Variants in ADAM33 observed in about 807,000 individuals in gnomAD.
ADAM33 encodes disintegrin and metalloproteinase domain-containing protein 33.
A neutral mutation model predicts 106.2 loss-of-function variants in ADAM33; 103 were observed. That is an observed-to-expected ratio of 0.97 (90% CI 0.83 to 1.14). The LOEUF is 1.14. ADAM33 is among the 50% of genes most tolerant of loss of function. ADAM33 has a pLI of 0.00. For synonymous variants in ADAM33, 483 were observed against 453.0 expected, an observed-to-expected ratio of 1.07 and a Z score of -0.84; for missense variants, 1,120 against 1,096.6, an observed-to-expected ratio of 1.02 and a Z score of -0.30.
At chr20:3,673,117 T>C (rs1349727610) in intron 11 of ADAM33, 1 of 1,458,022 alleles carries the variant, frequency 6.9e-7, no homozygotes, top group Non-Finnish European at 9.0e-7. Flanking sequence ...CCGACGGTGC[T>C]CCTCCCGGTG....
intron 1 of ADAM33, among the ~76,000 whole-genome samples, chr20:3,679,890 G>C (rs1031969114): frequency 5.9e-5 from 9 of 152,224 alleles, no homozygotes; most frequent in African/African-American, 2.2e-4. Context: ...AAGGCCGCCA[G>C]TGCAGAGGGG....
Position 3,673,744 on chromosome 20 carries a change from C to A in ADAM33, c.905+1G>T. 6.7e-7 allele frequency: 1 copy of A among 1,498,790 alleles called. No individual in the cohort carries two copies. The highest frequency in any genetic ancestry group is 1.3e-5 in the South Asian group (1 of 79,700). The allele number at this position is 1,498,790 out of a possible 1,614,324, so 92.8% of individuals were successfully genotyped here. A position where few individuals can be genotyped will look rare whatever the true frequency, so the allele number is the denominator to read the frequency against. On this transcript the variant is annotated splice_donor_variant, in intron 9 of 21. Coordinates refer to ENST00000356518, the MANE Select transcript of ADAM33 (RefSeq NM_025220.5). LOFTEE classifies it high-confidence loss of function. Reference sequence around the variant, plus strand: ...CCCGCGTCCGGGTCAGAGGCACCCACGTGAGCAGCTGCGCGGAGTCGTGGG... The same window carrying A: ...CCCGCGTCCGGGTCAGAGGCACCCAAGTGAGCAGCTGCGCGGAGTCGTGGG...
intron 15 of ADAM33, 41 bp downstream of exon 15, chr20:3,671,836 C>T: frequency 6.4e-7 from 1 of 1,551,506 alleles, no homozygotes. Flanking sequence ...CCCAAACCCA[C>T]TCCATAGCTT....
Position 3,679,136 on chromosome 20 carries a change from C to CTTTTTT in ADAM33, c.177+350_177+355dup, listed in dbSNP as rs778392877. On this transcript the variant is annotated intron_variant, in intron 2 of 21. Transcript: ENST00000356518. ...TTTGCAAAAGGTTTTCTTTTTGGTG[C>CTTTTTT]TTTTTTTTTTTTTTTTTTAGAGGCT... Among the ~76,000 whole-genome samples the CTTTTTT allele has an allele frequency of 2.0e-4, 16 of 78,242 alleles. 1 individual carries two copies. Among genetic ancestry groups the CTTTTTT allele is most frequent in the African/African-American group, 4.9e-4 (10 of 20,336 alleles). The allele number at this position is 78,242 out of a possible 152,430, so 51.3% of individuals were successfully genotyped here.
chr20:3,680,033 G>A (rs1316406336), intron 1 of ADAM33, among the ~76,000 whole-genome samples: 2 of 152,168 alleles, frequency 1.3e-5, no homozygotes, highest in South Asian at 2.1e-4. Flanking sequence ...GTTGCCTTGC[G>A]AGGTCCACCT....
At position 3,672,178 on chromosome 20, in the gene ADAM33, G is replaced by C; in HGVS notation, c.1553C>G (p.Ala518Gly). Residue 518 changes from alanine to glycine, a missense_variant, in exon 14 of 22, where the codon GCA becomes GGA. Coordinates refer to ENST00000356518, the MANE Select transcript of ADAM33 (RefSeq NM_025220.5). ...GCACTGCTGCTCCAGCGTGGGACAT[G>C]CGCCATCCCAGCAGTAGCCACTGCC... ...ARGSGYCWDG[A>G]CPTLEQQCQQ... 2 of 1,613,238 alleles carry C rather than the reference G, an allele frequency of 1.2e-6. No homozygotes were observed. The highest frequency in any genetic ancestry group is 1.7e-6 in the Non-Finnish European group (2 of 1,179,998).
chr20:3,672,526 C>T lies in ADAM33; in HGVS notation c.1401+11G>A. ...CCCGAAACCCTCACCCTGAACCTTC[C>T]ATGCCCTCACCAGGCAGCGCACGCA... On this transcript the variant is annotated intron_variant, in intron 13 of 21. Coordinates refer to ENST00000356518, the MANE Select transcript of ADAM33 (RefSeq NM_025220.5). 6.2e-7 allele frequency: 1 copy of T among 1,612,808 alleles called. No homozygotes were observed. Among genetic ancestry groups the T allele is most frequent in the Non-Finnish European group, 8.5e-7 (1 of 1,179,454 alleles).
intron 3 of ADAM33, among the ~76,000 whole-genome samples, chr20:3,676,562 C>T (rs2087978050): frequency 6.6e-6 from 1 of 152,030 alleles, no homozygotes; most frequent in Admixed American, 6.5e-5. Flanking sequence ...TCTCAGCCCC[C>T]TAAGTAGCTG....
intron 2 of ADAM33, among the ~76,000 whole-genome samples, chr20:3,678,549 G>A (rs1045844298): frequency 1.3e-5 from 2 of 152,242 alleles, no homozygotes; most frequent in African/African-American, 4.8e-5. Context: ...ATCCCAGTGA[G>A]GGCCCTGGGT....
chr20:3,678,997 C>T (rs967979052), intron 2 of ADAM33, among the ~76,000 whole-genome samples: 3 of 152,114 alleles, frequency 2.0e-5, no homozygotes, highest in Admixed American at 6.5e-5. Context: ...CCACTGCCCC[C>T]CCGATACCAG....
rs779042232 is a variant in ADAM33, at chr20:3,674,052, G to A, written c.738+12C>T. ...CCACCCCCATCACCGCTCTCTCCCCGCCGCCCCCAACCTGGTCCACGTAGT... is the reference window on the plus strand; with the variant it reads ...CCACCCCCATCACCGCTCTCTCCCCACCGCCCCCAACCTGGTCCACGTAGT... On this transcript the variant is annotated intron_variant, in intron 8 of 21. Transcript: ENST00000356518. The A allele has an allele frequency of 5.6e-6, 9 of 1,611,428 alleles. No individual in the cohort carries two copies. Among genetic ancestry groups the A allele is most frequent in the African/African-American group, 1.3e-5 (1 of 74,674 alleles).
rs1447933893 is a variant in ADAM33, at chr20:3,673,507, G to A, written c.991-11C>T. ...GAGCTCCGAGTGGTCCTGGGGGGCC[G>A]TGGGAGGGCGGTCACTGCGGCCGTA... On this transcript the variant is annotated splice_polypyrimidine_tract_variant and intron_variant, in intron 10 of 21. Coordinates refer to ENST00000356518, the MANE Select transcript of ADAM33 (RefSeq NM_025220.5). The A allele has an allele frequency of 2.0e-6, 3 of 1,477,602 alleles. No homozygotes were observed. The highest frequency in any genetic ancestry group is 1.8e-6 in the Non-Finnish European group (2 of 1,122,330). The allele number at this position is 1,477,602 out of a possible 1,614,324, so 91.5% of individuals were successfully genotyped here. A position where few individuals can be genotyped will look rare whatever the true frequency, so the allele number is the denominator to read the frequency against.
intron 2 of ADAM33, among the ~76,000 whole-genome samples, chr20:3,677,908 C>T (rs143937903): frequency 8.9e-4 from 136 of 152,338 alleles, no homozygotes; most frequent in African/African-American, 2.6e-3. Context: ...GAGTTGGAGC[C>T]GGCCCAGGAG....
Position 3,671,241 on chromosome 20 carries a change from A to G in ADAM33, c.2088T>C (p.Ala696=). The stretch of plus-strand genomic sequence containing the variant: ...ACATGCCCCCCACTGGCATACTTTC[A>G]GCCTGCACAGGGCCACTGTCCATGC... ...GGSMDSGPVQ[A]ENHDTFLLAM... Residue 696 remains alanine (A), a synonymous_variant, in exon 18 of 22, where the codon GCT becomes GCC. Coordinates refer to ENST00000356518, the MANE Select transcript of ADAM33 (RefSeq NM_025220.5). 6.2e-7 allele frequency: 1 copy of G among 1,613,802 alleles called. No individual in the cohort carries two copies. Among genetic ancestry groups the G allele is most frequent in the Non-Finnish European group, 8.5e-7 (1 of 1,179,856 alleles).
At chr20:3,670,056 C>A in intron 19 of ADAM33, 1 of 317,020 alleles carries the variant, frequency 3.2e-6, no homozygotes, top group Non-Finnish European at 6.0e-6. Context: ...CCCCCAAGGC[C>A]TTGTCATTTC....
intron 19 of ADAM33, 44 bp downstream of exon 19, chr20:3,670,962 G>C: frequency 6.6e-7 from 1 of 1,511,666 alleles, no homozygotes; most frequent in Non-Finnish European, 8.9e-7. Context: ...TCTGAGGAGG[G>C]GAACCGCAGG....
At chr20:3,670,832 A>T (rs752291044) in intron 19 of ADAM33, among the ~76,000 whole-genome samples, 174 bp downstream of exon 19, 19 of 152,082 alleles carry the variant, frequency 1.2e-4, no homozygotes, top group Non-Finnish European at 2.6e-4. Context: ...CCCTCGCTTG[A>T]CTGGGAGGCC....
At chr20:3,672,691 G>A in intron 12 of ADAM33, 30 bp downstream of exon 12, 2 of 1,595,102 alleles carry the variant, frequency 1.3e-6, no homozygotes, top group East Asian at 2.3e-5. Flanking sequence ...AGCGGAGAGG[G>A]CAAGTGGGGG....
At position 3,671,293 on chromosome 20, in the gene ADAM33, A is replaced by T; in HGVS notation, c.2036T>A (p.Phe679Tyr). ...CHCAPGWAPPFCDKPGFGGSM... is the reference protein window; with the variant it reads ...CHCAPGWAPPYCDKPGFGGSM... ...GCCACCAAAGCCTGGCTTGTCACAG[A>T]AGGGTGGAGCCCAGCCTGGAGCACA... Residue 679 changes from phenylalanine to tyrosine, a missense_variant, in exon 18 of 22, where the codon TTC (phenylalanine) becomes TAC (tyrosine). Physicochemically the swap from Phe to Tyr is conservative, Grantham distance 22. Coordinates refer to ENST00000356518, the MANE Select transcript of ADAM33 (RefSeq NM_025220.5). 1.9e-6 allele frequency: 3 copies of T among 1,613,830 alleles called. No individual in the cohort carries two copies.
Sources: allele counts gnomAD v4.1 joint callset (sites outside exome capture counted in the v4.1 genomes callset), GRCh38; gene constraint gnomAD v4.1.1; transcripts MANE v1.5; gene names NCBI Gene and HGNC (gene_info 2026-07-23, HGNC 2026-07-21).